The following RORA variants were observed in gnomAD, a reference collection of about 807,000 sequenced individuals.
RORA encodes RAR related orphan receptor A, also known as nuclear receptor ROR-alpha.
RORA carries 7 observed loss-of-function variants against 69.5 expected under a neutral mutation model. That is an observed-to-expected ratio of 0.10 (90% confidence interval 0.06 to 0.19). The LOEUF (loss-of-function observed/expected upper bound fraction) is 0.19. Among genes scored for constraint, RORA ranks in the 10% least tolerant of loss-of-function variants. The pLI is 1.00. For missense variants in RORA, 457 were observed against 663.0 expected, an observed-to-expected ratio of 0.69 and a Z score of 3.41; for synonymous variants, 261 against 240.8, an observed-to-expected ratio of 1.08 and a Z score of -0.78.
In RORA at chr15:60,511,448, G is replaced by T; in HGVS notation, c.598C>A (p.Leu200Ile). 1 of 1,614,174 alleles carries T rather than the reference G, an allele frequency of 6.2e-7. No homozygotes were observed. Among genetic ancestry groups the T allele is most frequent in the Non-Finnish European group, 8.5e-7 (1 of 1,180,016 alleles). The change falls in exon 5 of 11, where the codon CTC becomes ATC. Residue 200 changes from leucine to isoleucine, a missense_variant. Around this residue, in one of 3 missense-constraint regions of RORA, gnomAD observed 304 missense variants for 447.4 expected, o/e 0.68. Transcript: ENST00000335670. The surrounding 1 kb of genome is among the most constrained non-coding windows in gnomAD (Gnocchi z 6.4). ...ANGLTELHDDLSNYIDGHTPE... is the reference protein window; with the variant it reads ...ANGLTELHDDISNYIDGHTPE... ...GTGTGCCCGTCAATGTAGTTACTGA[G>T]GTCGTCGTGAAGTTCCGTCAGCCCG...
rs773590564 is a variant in RORA at position 60,592,777 on chromosome 15, G to T, written c.197-60926C>A. ...TCCCGCGCCCCGGGCCCTCGCCCGG[G>T]CGCCCGCCTTCCCCTCGCCTTCGGG... On this transcript the variant is annotated intron_variant, in intron 2 of 10. Transcript: ENST00000335670. 2.9e-5 allele frequency: 24 copies of T among 819,034 alleles called. 1 individual carries two copies. The African/African-American group carries it at 4.1e-4, about 14-fold the overall frequency. 50.7% of individuals were successfully genotyped at this position (819,034 alleles called of 1,614,324 possible). A position where few individuals can be genotyped will look rare whatever the true frequency, so the allele number is the denominator to read the frequency against.
intron 1 of RORA, among the ~76,000 whole-genome samples, chr15:61,207,398 A>T (rs1171454873): frequency 6.6e-6 from 1 of 152,212 alleles, no homozygotes; most frequent in South Asian, 2.1e-4. Context: ...GTTTTAAATG[A>T]GAGAATCATT....
At chr15:61,222,601 C>T (rs1035781032) in intron 1 of RORA, among the ~76,000 whole-genome samples, 29 of 152,170 alleles carry the variant, frequency 1.9e-4, no homozygotes, top group African/African-American at 5.3e-4. Flanking sequence ...CACAAAAGAA[C>T]ATCAGGACTC....
At chr15:60,728,284 A>G (rs2071388536) in intron 1 of RORA, among the ~76,000 whole-genome samples, 1 of 152,166 alleles carries the variant, frequency 6.6e-6, no homozygotes, top group African/African-American at 2.4e-5. Flanking sequence ...AGAATCCATA[A>G]CCAAGAGACA....
At chr15:60,976,937 A>G (rs767896839) in intron 1 of RORA, among the ~76,000 whole-genome samples, 47 of 152,136 alleles carry the variant, frequency 3.1e-4, no homozygotes, top group Non-Finnish European at 5.3e-4. Context: ...CTGGAAGTAA[A>G]TATCACTTCT....
At chr15:61,122,041 C>T (rs1682163609) in intron 1 of RORA, among the ~76,000 whole-genome samples, 1 of 152,120 alleles carries the variant, frequency 6.6e-6, no homozygotes. Flanking sequence ...GAAATAAGAA[C>T]TGTATGTAAG....
Position 60,621,285 on chromosome 15 carries a change from T to G in RORA, c.196+57372A>C, listed in dbSNP as rs1174963131. ...TTCCATTTGTCTATTTGCCCATCCATTTTTTAACAAACATCTCCTAAGCAT... is the reference window on the plus strand; with the variant it reads ...TTCCATTTGTCTATTTGCCCATCCAGTTTTTAACAAACATCTCCTAAGCAT... On this transcript the variant is annotated intron_variant, in intron 2 of 10. Coordinates refer to ENST00000335670, the MANE Select transcript of RORA (RefSeq NM_134261.3). Among the ~76,000 whole-genome samples the G allele has an allele frequency of 2.0e-5, 3 of 152,156 alleles. No individual in the cohort carries two copies. In the East Asian group the frequency reaches 5.8e-4, roughly 29 times the overall value.
chr15:60,942,957 A>T (rs1326802260), intron 1 of RORA, among the ~76,000 whole-genome samples: 2 of 152,224 alleles, frequency 1.3e-5, no homozygotes, highest in Non-Finnish European at 2.9e-5. Flanking sequence ...TGAAGGTCAA[A>T]TTTATTAGAT....
At chr15:60,972,355 G>C (rs537733160) in intron 1 of RORA, among the ~76,000 whole-genome samples, 17 of 152,312 alleles carry the variant, frequency 1.1e-4, no homozygotes, top group African/African-American at 3.8e-4. Flanking sequence ...ATAAAAATAC[G>C]CATGTGTATG....
intron 1 of RORA, among the ~76,000 whole-genome samples, chr15:60,858,810 G>A (rs1344066592): frequency 6.6e-6 from 1 of 151,952 alleles, no homozygotes; most frequent in East Asian, 1.9e-4. Flanking sequence ...GGGATTGCTC[G>A]ACTTTTCACA....
chr15:60,865,047 A>G (rs1254485948), intron 1 of RORA, among the ~76,000 whole-genome samples: 1 of 152,234 alleles, frequency 6.6e-6, no homozygotes, highest in African/African-American at 2.4e-5. Flanking sequence ...GATAAATTCA[A>G]GGTAAAATTA....
chr15:60,716,872 T>C (rs962941368), intron 1 of RORA, among the ~76,000 whole-genome samples: 6 of 152,214 alleles, frequency 3.9e-5, no homozygotes, highest in Non-Finnish European at 8.8e-5. Flanking sequence ...CCTTCCCCCA[T>C]ACTTAACCCT....
intron 1 of RORA, among the ~76,000 whole-genome samples, chr15:60,846,889 T>C (rs996783101): frequency 2.0e-5 from 3 of 152,220 alleles, no homozygotes; most frequent in African/African-American, 7.2e-5. Flanking sequence ...GACCTAAATG[T>C]TTAATTCAGA....
chr15:60,691,560 A>G (rs1037311285), intron 1 of RORA, among the ~76,000 whole-genome samples: 5 of 152,190 alleles, frequency 3.3e-5, no homozygotes, highest in African/African-American at 1.2e-4. Context: ...CAAGAGGAGC[A>G]TAGAGGGTGA....
At chr15:60,701,644 A>C (rs750385490) in intron 1 of RORA, among the ~76,000 whole-genome samples, 4 of 152,212 alleles carry the variant, frequency 2.6e-5, no homozygotes, top group African/African-American at 4.8e-5. Flanking sequence ...CACCCGCAGC[A>C]CAGGCTCCGG....
chr15:61,056,401 T>C lies in RORA; in HGVS notation c.166+172652A>G, dbSNP rs552336437. On this transcript the variant is annotated intron_variant, in intron 1 of 10. Transcript: ENST00000335670. Reference sequence around the variant, plus strand: ...CCTATCTGGAACTCTCTGAATCCCATGCTCCTTCCACTATTCACAGTGCCT... The same window carrying C: ...CCTATCTGGAACTCTCTGAATCCCACGCTCCTTCCACTATTCACAGTGCCT... Among the ~76,000 whole-genome samples the C allele has an allele frequency of 1.8e-4, 27 of 152,328 alleles. 1 individual carries two copies. In the South Asian group the frequency reaches 5.0e-3, roughly 28 times the overall value.
chr15:60,637,855 C>T (rs530953880), intron 2 of RORA, among the ~76,000 whole-genome samples: 7 of 150,776 alleles, frequency 4.6e-5, no homozygotes, highest in African/African-American at 1.7e-4. Flanking sequence ...TTTAACTATT[C>T]TTATTTCTTT....
At chr15:60,732,750 C>T (rs17270313) in intron 1 of RORA, among the ~76,000 whole-genome samples, 119 of 152,202 alleles carry the variant, frequency 7.8e-4, no homozygotes, top group Non-Finnish European at 1.3e-3. Flanking sequence ...ACCCTACATA[C>T]CCTGACACGT....
chr15:60,942,603 T>G (rs1182270796), intron 1 of RORA, among the ~76,000 whole-genome samples: 1 of 152,252 alleles, frequency 6.6e-6, no homozygotes, highest in Non-Finnish European at 1.5e-5. Context: ...GATTATCACT[T>G]AAAAGAATTT....
Sources: allele counts gnomAD v4.1 joint callset (sites outside exome capture counted in the v4.1 genomes callset), GRCh38; gene constraint gnomAD v4.1.1; regional missense constraint gnomAD v4.1.1; non-coding constraint Gnocchi (gnomAD v3.1); transcripts MANE v1.5; gene names NCBI Gene and HGNC (gene_info 2026-07-23, HGNC 2026-07-21).